The following MARCHF4 variants were observed in gnomAD, a reference collection of about 807,000 sequenced individuals.
The protein encoded by MARCHF4 is membrane associated ring-CH-type finger 4, also known as E3 ubiquitin-protein ligase MARCHF4.
In MARCHF4, 14 loss-of-function variants were observed where a neutral mutation model predicts 43.9. The ratio of observed to expected loss-of-function variants is 0.32; its 90% confidence interval spans 0.21 to 0.50. The LOEUF (loss-of-function observed/expected upper bound fraction) is 0.50. Ranked by LOEUF, MARCHF4 falls within the 20% of genes least tolerant of loss-of-function variation. MARCHF4 has a pLI of 0.98. For missense variants in MARCHF4, 468 were observed against 536.7 expected, an observed-to-expected ratio of 0.87 and a Z score of 1.27; for synonymous variants, 226 against 213.3, an observed-to-expected ratio of 1.06 and a Z score of -0.52.
chr2:216,332,275 C>T (rs1253556056), intron 1 of MARCHF4, among the ~76,000 whole-genome samples: 1 of 151,810 alleles, frequency 6.6e-6, no homozygotes, highest in East Asian at 1.9e-4. Context: ...ACCTGTAATC[C>T]CAGCTACCCA....
At chr2:216,278,467 C>T (rs534357711) in intron 2 of MARCHF4, among the ~76,000 whole-genome samples, 3 of 152,192 alleles carry the variant, frequency 2.0e-5, no homozygotes, top group East Asian at 1.9e-4. Context: ...CCTCGTGATC[C>T]GCCCACCTCG....
chr2:216,322,309 A>G (rs1158763183), intron 1 of MARCHF4, among the ~76,000 whole-genome samples: 1 of 152,262 alleles, frequency 6.6e-6, no homozygotes, highest in Non-Finnish European at 1.5e-5. Context: ...CCCACTGGTG[A>G]TAAGTTGCCT....
intron 2 of MARCHF4, among the ~76,000 whole-genome samples, chr2:216,279,150 TC>T (rs1216697635): frequency 1.3e-5 from 2 of 152,236 alleles, no homozygotes; most frequent in African/African-American, 4.8e-5. Context: ...GGATTCGACT[TC>T]CCAGAGGAAG....
intron 3 of MARCHF4, among the ~76,000 whole-genome samples, chr2:216,275,259 G>A (rs2105936753): frequency 6.6e-6 from 1 of 152,294 alleles, no homozygotes; most frequent in African/African-American, 2.4e-5. Context: ...ACAGGAGGAG[G>A]AGGAGAGGTG....
chr2:216,278,515 A>G (rs1277573674), intron 2 of MARCHF4, among the ~76,000 whole-genome samples: 1 of 152,088 alleles, frequency 6.6e-6, no homozygotes, highest in Non-Finnish European at 1.5e-5. Flanking sequence ...GTGAGCCACC[A>G]TGCCCAGCCT....
intron 1 of MARCHF4, among the ~76,000 whole-genome samples, chr2:216,284,237 A>G (rs559270760): frequency 6.6e-6 from 1 of 150,952 alleles, no homozygotes; most frequent in Admixed American, 6.6e-5. Flanking sequence ...AGGAGGTTGG[A>G]CAAATGCCCT....
intron 1 of MARCHF4, among the ~76,000 whole-genome samples, chr2:216,344,769 G>A (rs1169870931): frequency 6.6e-6 from 1 of 151,888 alleles, no homozygotes; most frequent in African/African-American, 2.4e-5. Flanking sequence ...CAAAGAGGAA[G>A]TGATTGAAGG....
At chr2:216,328,896 G>C (rs1393148371) in intron 1 of MARCHF4, among the ~76,000 whole-genome samples, 2 of 152,044 alleles carry the variant, frequency 1.3e-5, no homozygotes, top group African/African-American at 4.8e-5. Context: ...AAATTAGCCA[G>C]GCATGGTGGT....
chr2:216,274,828 C>T (rs531813020), intron 3 of MARCHF4, among the ~76,000 whole-genome samples: 4 of 152,074 alleles, frequency 2.6e-5, no homozygotes, highest in South Asian at 2.1e-4. Flanking sequence ...AATGGGAAGA[C>T]GAATCCTTGC....
chr2:216,356,010 A>G (rs1692496537), intron 1 of MARCHF4, among the ~76,000 whole-genome samples: 1 of 152,222 alleles, frequency 6.6e-6, no homozygotes, highest in Non-Finnish European at 1.5e-5. Flanking sequence ...CAAACCAGTC[A>G]AAGAACTCAC....
intron 1 of MARCHF4, among the ~76,000 whole-genome samples, chr2:216,328,969 T>G (rs186668489): frequency 1.3e-5 from 2 of 151,884 alleles, no homozygotes; most frequent in African/African-American, 4.8e-5. Context: ...ACCGGTGAGG[T>G]GGAGGTTGCA....
chr2:216,342,910 G>T (rs1359061502), intron 1 of MARCHF4, among the ~76,000 whole-genome samples: 3 of 152,044 alleles, frequency 2.0e-5, no homozygotes, highest in African/African-American at 7.3e-5. Flanking sequence ...GCAAGACTGT[G>T]CTGTAGTGAC....
intron 3 of MARCHF4, among the ~76,000 whole-genome samples, chr2:216,271,734 T>C (rs1690941868): frequency 6.6e-6 from 1 of 152,114 alleles, no homozygotes; most frequent in South Asian, 2.1e-4. Flanking sequence ...AGAAGAAAGA[T>C]TCTTGAAAGC....
rs771262992 is a variant in MARCHF4 at position 216,283,725 on chromosome 2, TC to T, written c.520del (p.Glu174SerfsTer3). ...RICFQGPEQG[E>X]LLSPCRCDGS... The stretch of plus-strand genomic sequence containing the variant: ...ATCACAGCGGCATGGGCTCAGCAGC[TC>T]CCCCTGCAGGGAGAGAGCACAGGGT... On this transcript the variant is annotated frameshift_variant, in exon 2 of 4. Transcript: ENST00000273067. LOFTEE classifies it high-confidence loss of function. The T allele has an allele frequency of 6.2e-7, 1 of 1,600,074 alleles. No individual in the cohort carries two copies.
intron 1 of MARCHF4, among the ~76,000 whole-genome samples, chr2:216,305,318 T>C (rs1172233042): frequency 2.0e-5 from 3 of 152,096 alleles, no homozygotes; most frequent in Non-Finnish European, 4.4e-5. Flanking sequence ...GGTTATAAGG[T>C]ATAGTTCAAG....
In MARCHF4 at chr2:216,370,512, A is replaced by G. The variant is rs895127566; in HGVS notation, c.-252T>C. ...TTCTTGCCCTCACACACCCACCCCAACCTCCAACTTTGTTCAGTGTGTCTC... is the reference window on the plus strand; with the variant it reads ...TTCTTGCCCTCACACACCCACCCCAGCCTCCAACTTTGTTCAGTGTGTCTC... On this transcript the variant is annotated 5_prime_UTR_variant, in exon 1 of 4. Coordinates refer to ENST00000273067, the MANE Select transcript of MARCHF4 (RefSeq NM_020814.3). 7.3e-6 allele frequency: 3 copies of G among 408,272 alleles called. No individual in the cohort carries two copies. Among genetic ancestry groups the G allele is most frequent in the African/African-American group, 6.1e-5 (3 of 49,126 alleles). 25.3% of individuals were successfully genotyped at this position (408,272 alleles called of 1,614,324 possible). A position where few individuals can be genotyped will look rare whatever the true frequency, so the allele number is the denominator to read the frequency against.
At chr2:216,360,065 T>C (rs1029774817) in intron 1 of MARCHF4, among the ~76,000 whole-genome samples, 2 of 152,096 alleles carry the variant, frequency 1.3e-5, no homozygotes, top group African/African-American at 4.8e-5. Flanking sequence ...TACTTTGGAA[T>C]TCTCAAAGTC....
At chr2:216,362,121 A>G (rs1692591815) in intron 1 of MARCHF4, among the ~76,000 whole-genome samples, 1 of 152,206 alleles carries the variant, frequency 6.6e-6, no homozygotes, top group Non-Finnish European at 1.5e-5. Flanking sequence ...CTGCAATAGT[A>G]TAAGGAAATG....
intron 1 of MARCHF4, among the ~76,000 whole-genome samples, chr2:216,350,406 C>T (rs142197798): frequency 4.6e-5 from 7 of 151,634 alleles, no homozygotes; most frequent in Non-Finnish European, 8.8e-5. Flanking sequence ...CACAACCCCT[C>T]ACCATGCCAC....
Sources: allele counts gnomAD v4.1 joint callset (sites outside exome capture counted in the v4.1 genomes callset), GRCh38; gene constraint gnomAD v4.1.1; transcripts MANE v1.5; gene names NCBI Gene and HGNC (gene_info 2026-07-23, HGNC 2026-07-21).